Variants in ANKRD11 observed in about 807,000 individuals in gnomAD.
The protein encoded by ANKRD11 is ankyrin repeat domain 11, also known as ankyrin repeat domain-containing protein 11.
ANKRD11 carries 17 observed loss-of-function variants against 195.7 expected under a neutral mutation model. That is an observed-to-expected ratio of 0.09 (90% CI 0.06 to 0.13). The LOEUF (loss-of-function observed/expected upper bound fraction) is 0.13. ANKRD11 is among the 10% of genes least tolerant of loss of function. The pLI, the probability that ANKRD11 is intolerant of heterozygous loss-of-function variation, is 1.00. For synonymous variants in ANKRD11, 1,953 were observed against 1,528.1 expected, an observed-to-expected ratio of 1.28 and a Z score of -6.49; for missense variants, 3,735 against 3,566.1, an observed-to-expected ratio of 1.05 and a Z score of -1.21.
At chr16:89,393,305 TTTA>T (rs2152129731) in intron 2 of ANKRD11, among the ~76,000 whole-genome samples, 1 of 150,502 alleles carries the variant, frequency 6.6e-6, no homozygotes, top group South Asian at 2.1e-4. Context: ...TTTTACTTTT[TTTA>T]TTTTTATTTT....
At chr16:89,349,266 C>T (rs1427080295) in intron 2 of ANKRD11, among the ~76,000 whole-genome samples, 4 of 151,364 alleles carry the variant, frequency 2.6e-5, no homozygotes, top group African/African-American at 2.4e-5. Flanking sequence ...CAGTGGCTCA[C>T]GCCTGTAATC....
In ANKRD11 at chr16:89,280,878, T is replaced by G; in HGVS notation, c.5664A>C (p.Ala1888=). The G allele has an allele frequency of 6.2e-7, 1 of 1,604,406 alleles. No homozygotes were observed. Among genetic ancestry groups the G allele is most frequent in the African/African-American group, 1.3e-5 (1 of 74,770 alleles). Residue 1888 remains alanine (A), a synonymous_variant, in exon 9 of 13, where the codon GCA becomes GCC. Transcript: ENST00000301030. ...CGGCTCTGGGGGAAGGGGAAGGTTT[T>G]GCTTGTAAACTTGAGAAGACGCCCT... The part of the protein sequence containing the change: ...SPEGVFSSLQ[A]KPSPSPRAEL...
intron 12 of ANKRD11, 130 bp downstream of exon 12, chr16:89,270,687 A>T: frequency 2.2e-6 from 2 of 906,400 alleles, no homozygotes; most frequent in Non-Finnish European, 3.5e-6. Context: ...AGAATCTGAA[A>T]TTGTCACCGC....
intron 1 of ANKRD11, among the ~76,000 whole-genome samples, chr16:89,463,952 G>A (rs887433220): frequency 2.6e-5 from 4 of 152,142 alleles, no homozygotes; most frequent in African/African-American, 9.7e-5. Flanking sequence ...AGACCACAAC[G>A]CTAACGCCAG....
chr16:89,315,686 G>A (rs2036912419), intron 3 of ANKRD11, among the ~76,000 whole-genome samples: 1 of 152,232 alleles, frequency 6.6e-6, no homozygotes, highest in Non-Finnish European at 1.5e-5. Context: ...CAGACACTTG[G>A]ATGCTGCCCA....
chr16:89,402,743 A>G (rs2041749530), intron 2 of ANKRD11, among the ~76,000 whole-genome samples: 1 of 97,532 alleles, frequency 1.0e-5, no homozygotes, highest in Non-Finnish European at 2.1e-5. Flanking sequence ...GGGGTGAGAT[A>G]GGGGGTATCT....
intron 1 of ANKRD11, among the ~76,000 whole-genome samples, chr16:89,428,166 C>A (rs1225963551): frequency 6.6e-6 from 1 of 151,982 alleles, no homozygotes. Context: ...CAAGATCGTG[C>A]CACTGCACTA....
At chr16:89,352,571 T>C (rs776053725) in intron 2 of ANKRD11, among the ~76,000 whole-genome samples, 1 of 152,156 alleles carries the variant, frequency 6.6e-6, no homozygotes, top group Non-Finnish European at 1.5e-5. Context: ...TCAGGGCCAC[T>C]TCCTCTCGCC....
intron 1 of ANKRD11, among the ~76,000 whole-genome samples, chr16:89,432,982 CT>C (rs1360622843): frequency 2.4e-3 from 327 of 138,736 alleles, no homozygotes; most frequent in African/African-American, 6.2e-3. Flanking sequence ...CTCTCTCTCT[CT>C]CTCTCTCCTC....
rs1204274543 is a variant in ANKRD11 at position 89,282,193 on chromosome 16, G to C, written c.4349C>G (p.Ser1450Cys). The C allele has an allele frequency of 1.9e-6, 3 of 1,613,820 alleles. No homozygotes were observed. The highest frequency in any genetic ancestry group is 2.7e-5 in the African/African-American group (2 of 74,804). The change falls in exon 9 of 13, where the codon TCT becomes TGT. Residue 1450 changes from serine (S) to cysteine (C), a missense_variant. Physicochemically the swap from Ser to Cys is moderately radical, Grantham distance 112 (BLOSUM62 -1). Transcript: ENST00000301030. ...KIEKELKPYGSSAINILKEKK... is the reference protein window; with the variant it reads ...KIEKELKPYGCSAINILKEKK... ...CTCTTTTAGGATGTTGATGGCACTA[G>C]ATCCATAAGGCTTTAGTTCCTTTTC...
At chr16:89,456,693 G>A (rs1485077529) in intron 1 of ANKRD11, among the ~76,000 whole-genome samples, 2 of 152,082 alleles carry the variant, frequency 1.3e-5, no homozygotes, top group Non-Finnish European at 2.9e-5. Context: ...CCAAAAACAC[G>A]TTATGTGAAA....
intron 3 of ANKRD11, 49 bp from the exon 4 acceptor site, chr16:89,305,393 C>G (rs1318357860): frequency 9.9e-6 from 16 of 1,612,308 alleles, no homozygotes; most frequent in African/African-American, 6.7e-5. Context: ...ATTACATTCT[C>G]AAGCTCTCAA....
At chr16:89,447,227 CCT>C (rs1490937019) in intron 1 of ANKRD11, among the ~76,000 whole-genome samples, 2 of 152,172 alleles carry the variant, frequency 1.3e-5, no homozygotes, top group African/African-American at 4.8e-5. Context: ...CTATTGCTGC[CCT>C]GTCTCCTACT....
Position 89,283,848 on chromosome 16 carries a change from T to A in ANKRD11, c.2694A>T (p.Arg898=). 1 of 1,614,138 alleles carries A rather than the reference T, an allele frequency of 6.2e-7. No individual in the cohort carries two copies. Among genetic ancestry groups the A allele is most frequent in the Non-Finnish European group, 8.5e-7 (1 of 1,180,038 alleles). ...TTCGGAAGAAGGGCTCTCTGTAGTCTCGCTTCTCCCGGGCCCGGCTGTCCC... is the reference window on the plus strand; with the variant it reads ...TTCGGAAGAAGGGCTCTCTGTAGTCACGCTTCTCCCGGGCCCGGCTGTCCC... ...RRRDSRAREK[R]DYREPFFRKK... is the part of the protein sequence containing the mutation. Residue 898 remains arginine, a synonymous_variant, in exon 9 of 13, where the codon CGA becomes CGT. Transcript: ENST00000301030. This position sits in a 1 kb window ranked among gnomAD's most constrained non-coding sequence, Gnocchi z 4.3.
chr16:89,377,095 T>C (rs879536442), intron 2 of ANKRD11, among the ~76,000 whole-genome samples: 4 of 152,208 alleles, frequency 2.6e-5, no homozygotes, highest in Admixed American at 1.3e-4. Flanking sequence ...AATGTTCTTT[T>C]GACAATGAAC....
intron 2 of ANKRD11, among the ~76,000 whole-genome samples, chr16:89,327,993 C>G (rs1482492583): frequency 6.6e-6 from 1 of 152,186 alleles, no homozygotes; most frequent in Non-Finnish European, 1.5e-5. Flanking sequence ...AGTCAGATAG[C>G]AGGCTTGTAT....
chr16:89,406,785 T>C (rs1248216782), intron 2 of ANKRD11, among the ~76,000 whole-genome samples: 1 of 152,122 alleles, frequency 6.6e-6, no homozygotes, highest in Non-Finnish European at 1.5e-5. Flanking sequence ...GGACAAAGCC[T>C]TGTGTCCAGG....
At chr16:89,393,633 C>G (rs948504981) in intron 2 of ANKRD11, among the ~76,000 whole-genome samples, 1 of 151,892 alleles carries the variant, frequency 6.6e-6, no homozygotes, top group African/African-American at 2.4e-5. Flanking sequence ...GAAGCCACTG[C>G]GCCCGGCCTA....
chr16:89,356,263 A>G lies in ANKRD11; in HGVS notation c.-59-39185T>C, dbSNP rs374023705. Among the ~76,000 whole-genome samples, 62 of 152,172 alleles carry G rather than the reference A, an allele frequency of 4.1e-4. No homozygotes were observed. The East Asian group carries it at 7.6e-3, about 19-fold the overall frequency. ...CTGATTACAGACTTTCAGGACGTCC[A>G]AAGGAGACATCTTTGTCAAGGGAGT... On this transcript the variant is annotated intron_variant, in intron 2 of 12. Transcript: ENST00000301030.
Sources: allele counts gnomAD v4.1 joint callset (sites outside exome capture counted in the v4.1 genomes callset), GRCh38; gene constraint gnomAD v4.1.1; non-coding constraint Gnocchi (gnomAD v3.1); transcripts MANE v1.5; gene names NCBI Gene and HGNC (gene_info 2026-07-23, HGNC 2026-07-21).